AGBL4: variants seen among roughly 807,000 people sequenced by gnomAD.
AGBL4 encodes the protein cytosolic carboxypeptidase 6.
A neutral mutation model predicts 66.4 loss-of-function variants in AGBL4; 58 were observed. The observed-to-expected ratio is 0.87, with a 90% CI of 0.71 to 1.09. The LOEUF (loss-of-function observed/expected upper bound fraction) is 1.09, where lower values mean the gene tolerates loss of function less well. Ranked by LOEUF, AGBL4 falls within the 50% of genes least tolerant of loss-of-function variation. The pLI, the probability that AGBL4 is intolerant of heterozygous loss-of-function variation, is 0.00. For synonymous variants in AGBL4, 234 were observed against 222.9 expected (o/e 1.05, Z -0.44); for missense variants, 579 against 631.0 (o/e 0.92, Z 0.88).
intron 2 of AGBL4, among the ~76,000 whole-genome samples, chr1:49,712,291 TAACTATTCATCTATC>T (rs1287203662): frequency 6.6e-6 from 1 of 151,904 alleles, no homozygotes. Flanking sequence ...ATAATTTTGT[TAACTATTCATCTATC>T]AACAGACACC....
chr1:48,955,443 T>C (rs1309129139), intron 5 of AGBL4, among the ~76,000 whole-genome samples: 1 of 152,236 alleles, frequency 6.6e-6, no homozygotes, highest in Non-Finnish European at 1.5e-5. Flanking sequence ...TCTCTCCTCC[T>C]TTCCTTGTGT....
chr1:49,006,032 C>A (rs1210646235), intron 5 of AGBL4, among the ~76,000 whole-genome samples: 1 of 151,804 alleles, frequency 6.6e-6, no homozygotes, highest in Non-Finnish European at 1.5e-5. Flanking sequence ...GCCAAGATGG[C>A]CGAATAGGAA....
intron 6 of AGBL4, among the ~76,000 whole-genome samples, chr1:48,842,918 CA>C (rs1237943861): frequency 7.9e-5 from 12 of 151,030 alleles, no homozygotes; most frequent in Non-Finnish European, 1.6e-4. Context: ...AAGCTAGCCA[CA>C]AAAAAGAAAA....
intron 5 of AGBL4, among the ~76,000 whole-genome samples, chr1:48,987,249 G>A (rs1420638691): frequency 6.6e-6 from 1 of 151,744 alleles, no homozygotes; most frequent in South Asian, 2.1e-4. Flanking sequence ...AGATAACAAA[G>A]CATGGTCAAA....
At chr1:48,712,023 A>G (rs1267750781) in intron 6 of AGBL4, among the ~76,000 whole-genome samples, 1 of 151,300 alleles carries the variant, frequency 6.6e-6, no homozygotes, top group Non-Finnish European at 1.5e-5. Flanking sequence ...TCTCAGTCAT[A>G]CTCGCTCTGG....
intron 3 of AGBL4, among the ~76,000 whole-genome samples, chr1:49,561,382 G>C (rs1644038011): frequency 6.6e-6 from 1 of 151,494 alleles, no homozygotes; most frequent in Admixed American, 6.6e-5. Context: ...ATGTACACAT[G>C]TGCCATGTTG....
At chr1:48,751,495 T>C (rs1651724119) in intron 6 of AGBL4, among the ~76,000 whole-genome samples, 1 of 152,196 alleles carries the variant, frequency 6.6e-6, no homozygotes, top group African/African-American at 2.4e-5. Flanking sequence ...CTCAGGCAAG[T>C]TACCTAATCT....
Position 48,731,628 on chromosome 1 carries a change from A to C in AGBL4, c.635-68387T>G, listed in dbSNP as rs1160982425. Among the ~76,000 whole-genome samples the C allele has an allele frequency of 3.3e-5, 5 of 152,186 alleles. No homozygotes were observed. The East Asian group carries it at 9.6e-4, about 29-fold the overall frequency. ...TAGCCAGGCAAAGCAGCACAGATGG[A>C]AGGTAGGTAGTGGGACCTGTGTTCC... On this transcript the variant is annotated intron_variant, in intron 6 of 13. Transcript: ENST00000371839.
At chr1:48,602,022 A>C (rs1332807090) in intron 9 of AGBL4, among the ~76,000 whole-genome samples, 2 of 152,184 alleles carry the variant, frequency 1.3e-5, no homozygotes, top group African/African-American at 4.8e-5. Flanking sequence ...ATTAAAAGTT[A>C]ATGTTGCTTC....
chr1:49,727,547 T>C (rs1649124601), intron 2 of AGBL4, among the ~76,000 whole-genome samples: 1 of 152,140 alleles, frequency 6.6e-6, no homozygotes, highest in Non-Finnish European at 1.5e-5. Context: ...TTTGAAAATA[T>C]CTATTGAAAT....
At chr1:49,651,399 CT>C (rs1460514681) in intron 3 of AGBL4, among the ~76,000 whole-genome samples, 1 of 152,084 alleles carries the variant, frequency 6.6e-6, no homozygotes, top group Non-Finnish European at 1.5e-5. Context: ...TAAACACCAC[CT>C]ACTGGACTGA....
intron 2 of AGBL4, among the ~76,000 whole-genome samples, chr1:49,785,884 G>GAAAA (rs200044395): frequency 1.7e-4 from 23 of 134,336 alleles, no homozygotes; most frequent in African/African-American, 6.0e-4. Flanking sequence ...GAAATCCCAG[G>GAAAA]AAAAAAAAAA....
intron 7 of AGBL4, among the ~76,000 whole-genome samples, chr1:48,655,112 T>C (rs769721161): frequency 1.3e-5 from 2 of 152,138 alleles, no homozygotes; most frequent in African/African-American, 2.4e-5. Context: ...GCAGATTAAT[T>C]GGGCTGCCAA....
At chr1:49,793,875 T>C (rs541957009) in intron 2 of AGBL4, among the ~76,000 whole-genome samples, 61 of 151,952 alleles carry the variant, frequency 4.0e-4, no homozygotes, top group Non-Finnish European at 5.9e-5. Flanking sequence ...GGGGGTAGCA[T>C]GTATGACTGA....
intron 2 of AGBL4, among the ~76,000 whole-genome samples, chr1:49,721,545 G>C (rs1648611936): frequency 6.6e-6 from 1 of 152,126 alleles, no homozygotes; most frequent in Non-Finnish European, 1.5e-5. Flanking sequence ...AGGTAGATCA[G>C]GGTAAGAAAA....
intron 4 of AGBL4, among the ~76,000 whole-genome samples, chr1:49,123,335 T>C (rs1645699196): frequency 6.6e-6 from 1 of 152,218 alleles, no homozygotes. Context: ...TTGTGGTTAG[T>C]AAATTATATT....
intron 6 of AGBL4, among the ~76,000 whole-genome samples, chr1:48,674,191 A>G (rs1485230724): frequency 1.3e-5 from 2 of 152,170 alleles, no homozygotes; most frequent in African/African-American, 4.8e-5. Flanking sequence ...TGGGGGCATT[A>G]GCTCCATGGC....
chr1:48,658,448 C>T (rs1036855117), intron 7 of AGBL4, among the ~76,000 whole-genome samples: 1 of 152,194 alleles, frequency 6.6e-6, no homozygotes, highest in African/African-American at 2.4e-5. Context: ...ACTCTAGGCC[C>T]TTCCTTGACC....
intron 3 of AGBL4, among the ~76,000 whole-genome samples, chr1:49,585,526 G>A (rs1644631031): frequency 6.6e-6 from 1 of 152,074 alleles, no homozygotes; most frequent in Non-Finnish European, 1.5e-5. Flanking sequence ...ATAAAAGGTT[G>A]TTGAAGTCTG....
Sources: allele counts gnomAD v4.1 joint callset (sites outside exome capture counted in the v4.1 genomes callset), GRCh38; gene constraint gnomAD v4.1.1; transcripts MANE v1.5; gene names NCBI Gene and HGNC (gene_info 2026-07-23, HGNC 2026-07-21).